Variants in FNBP1 observed in about 807,000 individuals in gnomAD.
FNBP1 encodes formin binding protein 1.
FNBP1 carries 26 observed loss-of-function variants against 90.6 expected under a neutral mutation model. The ratio of observed to expected loss-of-function variants is 0.29; its 90% CI spans 0.21 to 0.40. The LOEUF is 0.40. FNBP1 is among the 10% of genes least tolerant of loss of function. The pLI, the probability that FNBP1 is intolerant of heterozygous loss-of-function variation, is 1.00. For synonymous variants in FNBP1, 260 were observed against 265.2 expected (o/e 0.98, Z 0.19); for missense variants, 635 against 768.0 (o/e 0.83, Z 2.05).
At chr9:129,904,351 G>C (rs2037565327) in intron 12 of FNBP1, among the ~76,000 whole-genome samples, 1 of 152,140 alleles carries the variant, frequency 6.6e-6, no homozygotes, top group South Asian at 2.1e-4. Context: ...GAGAAGTTTG[G>C]GGCATGTTTG....
Position 129,889,080 on chromosome 9 carries a change from G to A in FNBP1, c.*1459C>T. ...AGGGGCTGCTCTGCTCTAAGGCGTG[G>A]CGGGGGGGGGGGGTGGTGGCCACAG... On this transcript the variant is annotated 3_prime_UTR_variant, in exon 17 of 17. Transcript: ENST00000446176. 1 of 120,264 alleles carries A rather than the reference G, an allele frequency of 8.3e-6. No homozygotes were observed. The highest frequency in any genetic ancestry group is 1.6e-5 in the Non-Finnish European group (1 of 63,068). 7.4% of individuals were successfully genotyped at this position (120,264 alleles called of 1,614,324 possible).
intron 1 of FNBP1, among the ~76,000 whole-genome samples, chr9:130,016,922 G>C (rs1228540048): frequency 6.6e-6 from 1 of 152,126 alleles, no homozygotes; most frequent in Non-Finnish European, 1.5e-5. Context: ...ACTGTGAACA[G>C]AAGAGTCCCC....
chr9:129,983,041 C>T (rs1202339982), intron 2 of FNBP1, among the ~76,000 whole-genome samples: 1 of 152,220 alleles, frequency 6.6e-6, no homozygotes, highest in Non-Finnish European at 1.5e-5. Context: ...TCTAAATTCA[C>T]ACCTCATATA....
chr9:129,988,152 G>A (rs956043602), intron 2 of FNBP1, among the ~76,000 whole-genome samples: 2 of 152,060 alleles, frequency 1.3e-5, no homozygotes, highest in African/African-American at 2.4e-5. Context: ...GGGTGAGGTT[G>A]AGCAGGCCCT....
At chr9:129,899,281 T>C (rs1001440131) in intron 15 of FNBP1, among the ~76,000 whole-genome samples, 7 of 152,052 alleles carry the variant, frequency 4.6e-5, no homozygotes, top group African/African-American at 1.7e-4. Context: ...TTTCACCATG[T>C]TGGCGAGGCT....
Position 129,890,691 on chromosome 9 carries a change from T to G in FNBP1, c.1847-145A>C. ...AGGGGAGGGATGGGAGGGGGCGTCT[T>G]AGAGCAATCGGTTACCACAGGGCGG... is the stretch of plus-strand genomic sequence containing the variant. On this transcript the variant is annotated intron_variant, in intron 16 of 16. Transcript: ENST00000446176. This position sits in a 1 kb window ranked among gnomAD's most constrained non-coding sequence, Gnocchi z 5.8. 2 of 676,796 alleles carry G rather than the reference T, an allele frequency of 3.0e-6. No homozygotes were observed. The highest frequency in any genetic ancestry group is 2.7e-5 in the East Asian group (1 of 37,004). 41.9% of individuals were successfully genotyped at this position (676,796 alleles called of 1,614,324 possible). A position where few individuals can be genotyped will look rare whatever the true frequency, so the allele number is the denominator to read the frequency against.
intron 6 of FNBP1, among the ~76,000 whole-genome samples, chr9:129,941,196 C>G (rs1218672278): frequency 6.6e-6 from 1 of 151,536 alleles, no homozygotes; most frequent in Non-Finnish European, 1.5e-5. Flanking sequence ...CAAGACCAGT[C>G]TGGCAAACAT....
intron 6 of FNBP1, among the ~76,000 whole-genome samples, chr9:129,951,432 ATTTATTTATTTG>A (rs1407126403): frequency 1.8e-4 from 26 of 145,962 alleles, no homozygotes; most frequent in African/African-American, 6.6e-4. Flanking sequence ...TTATTTATTT[ATTTATTTATTTG>A]TTTGTTTGTT....
intron 1 of FNBP1, among the ~76,000 whole-genome samples, chr9:129,995,627 G>T (rs1342561557): frequency 1.3e-5 from 2 of 152,134 alleles, no homozygotes; most frequent in East Asian, 1.9e-4. Flanking sequence ...GCATGGTGTT[G>T]TACCACTGCA....
rs140816797 is a variant in FNBP1, at chr9:129,935,475, TTTTTCTTTTC to T, written c.514-5790_514-5781del. On this transcript the variant is annotated intron_variant, in intron 6 of 16. Transcript: ENST00000446176. ...GCATCTTACCACTCTTGCATCATCA[TTTTTCTTTTC>T]TTTTCTTTTCTTTTTCTATTGAGAT... Among the ~76,000 whole-genome samples the T allele has an allele frequency of 2.0e-5, 3 of 149,832 alleles. No individual in the cohort carries two copies. The East Asian group carries it at 6.0e-4, about 30-fold the overall frequency.
At chr9:129,906,417 G>A (rs2131461665) in intron 12 of FNBP1, among the ~76,000 whole-genome samples, 1 of 152,230 alleles carries the variant, frequency 6.6e-6, no homozygotes, top group South Asian at 2.1e-4. Flanking sequence ...TCATGGGAGG[G>A]ACCCAGTGGG....
rs562289719 is a variant in FNBP1, at chr9:129,921,641, G to C, written c.1170+2203C>G. 2.6e-5 allele frequency among the ~76,000 whole-genome samples: 4 copies of C among 152,274 alleles called. No individual in the cohort carries two copies. The South Asian group carries it at 8.3e-4, about 32-fold the overall frequency. ...TTGGTCAGGCTGGTCTCGAACTCCTGACCTCAGGTGATCCGCCCTCCTCGG... is the reference window on the plus strand; with the variant it reads ...TTGGTCAGGCTGGTCTCGAACTCCTCACCTCAGGTGATCCGCCCTCCTCGG... On this transcript the variant is annotated intron_variant, in intron 10 of 16. Transcript: ENST00000446176.
At chr9:129,964,235 G>A in intron 4 of FNBP1, among the ~76,000 whole-genome samples, 1 of 152,120 alleles carries the variant, frequency 6.6e-6, no homozygotes, top group Non-Finnish European at 1.5e-5. Context: ...GTGCCTGCAA[G>A]CACTAAAGAA....
chr9:129,925,429 C>G (rs2041734127), intron 8 of FNBP1, among the ~76,000 whole-genome samples: 1 of 151,634 alleles, frequency 6.6e-6, no homozygotes, highest in Non-Finnish European at 1.5e-5. Context: ...TGGCATGAAC[C>G]CAGGAGGCGG....
intron 6 of FNBP1, among the ~76,000 whole-genome samples, chr9:129,940,317 A>T (rs979678980): frequency 6.6e-6 from 1 of 152,230 alleles, no homozygotes; most frequent in African/African-American, 2.4e-5. Context: ...AGATGCTCTA[A>T]ATATAGATCA....
At chr9:129,964,692 T>C (rs977159327) in intron 4 of FNBP1, among the ~76,000 whole-genome samples, 1 of 151,426 alleles carries the variant, frequency 6.6e-6, no homozygotes, top group Non-Finnish European at 1.5e-5. Flanking sequence ...TTTACTGAAC[T>C]GCAAGAAATC....
intron 1 of FNBP1, among the ~76,000 whole-genome samples, chr9:130,032,817 C>T (rs2058921896): frequency 6.6e-6 from 1 of 151,800 alleles, no homozygotes; most frequent in Non-Finnish European, 1.5e-5. Flanking sequence ...TTAAGAAGGC[C>T]CAAGTATACT....
At chr9:129,945,977 G>C (rs1325771522) in intron 6 of FNBP1, among the ~76,000 whole-genome samples, 1 of 152,132 alleles carries the variant, frequency 6.6e-6, no homozygotes, top group Non-Finnish European at 1.5e-5. Context: ...AGACCACCAT[G>C]GGCAATGTGG....
At chr9:129,931,448 T>A (rs2042724826) in intron 6 of FNBP1, among the ~76,000 whole-genome samples, 1 of 150,074 alleles carries the variant, frequency 6.7e-6, no homozygotes, top group East Asian at 2.0e-4. Context: ...CTAAAAAAAA[T>A]ACAAAAAATT....
Sources: gnomAD v4.1 joint callset for allele counts (sites outside exome capture counted in the v4.1 genomes callset) on GRCh38, gnomAD v4.1.1 for gene constraint, Gnocchi (gnomAD v3.1) non-coding constraint, MANE v1.5 for transcripts, NCBI Gene and HGNC (gene_info 2026-07-23, HGNC 2026-07-21) for gene names.